The following GRID2 variants were observed in gnomAD, a reference collection of about 807,000 sequenced individuals.
The protein encoded by GRID2 is glutamate ionotropic receptor delta type subunit 2.
GRID2 carries 33 observed loss-of-function variants against 114.8 expected under a neutral mutation model. The ratio of observed to expected loss-of-function variants is 0.29; its 90% confidence interval spans 0.22 to 0.38. The LOEUF (loss-of-function observed/expected upper bound fraction) is 0.38, where lower values mean the gene tolerates loss of function less well. Among genes scored for constraint, GRID2 ranks in the 10% least tolerant of loss-of-function variants. The probability of loss-of-function intolerance (pLI) is 1.00; values close to 1 mark genes in which losing one functional copy is unlikely to be tolerated. For synonymous variants in GRID2, 505 were observed against 449.9 expected, an observed-to-expected ratio of 1.12 and a Z score of -1.55; for missense variants, 1,184 against 1,257.7, an observed-to-expected ratio of 0.94 and a Z score of 0.89.
chr4:93,608,791 T>C lies in GRID2; in HGVS notation c.2194-17478T>C, dbSNP rs544441187. Among the ~76,000 whole-genome samples, 38 of 137,012 alleles carry C rather than the reference T, an allele frequency of 2.8e-4. 6 individuals are homozygous for C. Among genetic ancestry groups the C allele is most frequent in the African/African-American group, 9.9e-4 (36 of 36,472 alleles). 89.9% of individuals were successfully genotyped at this position (137,012 alleles called of 152,430 possible). Reference sequence around the variant, plus strand: ...AAACATACGGGTGCATGTGTCTTTATAGCAGCATGATTTATAGTCATTTGG... The same window carrying C: ...AAACATACGGGTGCATGTGTCTTTACAGCAGCATGATTTATAGTCATTTGG... On this transcript the variant is annotated intron_variant, in intron 13 of 15. Transcript: ENST00000282020.
rs572617297 is a variant in GRID2 at position 92,940,779 on chromosome 4, G to T, written c.245-144216G>T. ...TTTATTGAGAGTTTTTAGCATGAAG[G>T]GTTGTTGAATTTTGTCAAAGGCCTT... On this transcript the variant is annotated intron_variant, in intron 2 of 15. Coordinates refer to ENST00000282020, the MANE Select transcript of GRID2 (RefSeq NM_001510.4). 6.6e-5 allele frequency among the ~76,000 whole-genome samples: 10 copies of T among 152,130 alleles called. No homozygotes were observed. The East Asian group carries it at 1.2e-3, about 18-fold the overall frequency.
rs373842855 is a variant in GRID2, at chr4:93,544,170, T to A, written c.2193+28759T>A. 2.0e-5 allele frequency among the ~76,000 whole-genome samples: 3 copies of A among 152,292 alleles called. No homozygotes were observed. In the East Asian group the frequency reaches 5.8e-4, roughly 29 times the overall value. On this transcript the variant is annotated intron_variant, in intron 13 of 15. Coordinates refer to ENST00000282020, the MANE Select transcript of GRID2 (RefSeq NM_001510.4). ...TTTGTAACCACTGGTAACAGAATATTTTTGTTTTCCTCATTAGTAAAATAA... is the reference window on the plus strand; with the variant it reads ...TTTGTAACCACTGGTAACAGAATATATTTGTTTTCCTCATTAGTAAAATAA...
chr4:93,777,874 A>G (rs189721808), downstream of GRID2, among the ~76,000 whole-genome samples: 1 of 152,224 alleles, frequency 6.6e-6, no homozygotes, highest in Non-Finnish European at 1.5e-5. Flanking sequence ...ATATTTTATT[A>G]TTAAATTGCT....
At chr4:93,110,677 G>A in intron 3 of GRID2, 71 bp from the exon 4 acceptor site, 1 of 977,424 alleles carries the variant, frequency 1.0e-6, no homozygotes, top group Non-Finnish European at 1.7e-6. Context: ...TTCTGATATA[G>A]GTGAAATAGC....
chr4:92,353,899 C>T (rs1484462280), intron 1 of GRID2, among the ~76,000 whole-genome samples: 1 of 152,044 alleles, frequency 6.6e-6, no homozygotes, highest in Non-Finnish European at 1.5e-5. Context: ...CTCAGATTTT[C>T]TGCCAAAGCC....
chr4:93,183,580 G>T (rs569635759), intron 4 of GRID2, among the ~76,000 whole-genome samples: 33 of 152,188 alleles, frequency 2.2e-4, no homozygotes, highest in Non-Finnish European at 4.1e-4. Flanking sequence ...TGCCCACAAG[G>T]TACTTAATTA....
intron 1 of GRID2, among the ~76,000 whole-genome samples, chr4:92,435,024 T>G (rs894749950): frequency 6.6e-6 from 1 of 152,220 alleles, no homozygotes; most frequent in Non-Finnish European, 1.5e-5. Flanking sequence ...TGCATATTTA[T>G]ATCCAAGATT....
intron 2 of GRID2, among the ~76,000 whole-genome samples, chr4:92,705,633 G>A (rs1164950667): frequency 6.6e-6 from 1 of 152,136 alleles, no homozygotes; most frequent in Non-Finnish European, 1.5e-5. Flanking sequence ...CCTACACTCT[G>A]GTTGCTCAGG....
At chr4:93,232,326 T>C (rs553513594) in intron 7 of GRID2, among the ~76,000 whole-genome samples, 1 of 152,232 alleles carries the variant, frequency 6.6e-6, no homozygotes, top group South Asian at 2.1e-4. Flanking sequence ...TAAAATGTAA[T>C]AGATGTTTAA....
At chr4:92,785,254 T>C (rs190548322) in intron 2 of GRID2, among the ~76,000 whole-genome samples, 7 of 151,666 alleles carry the variant, frequency 4.6e-5, no homozygotes, top group Admixed American at 3.9e-4. Flanking sequence ...GAAGTAGCAA[T>C]ATTAATTACC....
At chr4:93,607,929 C>G (rs1444014654) in intron 13 of GRID2, among the ~76,000 whole-genome samples, 1 of 151,776 alleles carries the variant, frequency 6.6e-6, no homozygotes, top group Non-Finnish European at 1.5e-5. Flanking sequence ...CTGTTTGTCC[C>G]CCATGTTCCA....
chr4:93,033,784 A>T (rs1724663883), intron 2 of GRID2, among the ~76,000 whole-genome samples: 1 of 152,044 alleles, frequency 6.6e-6, no homozygotes, highest in Non-Finnish European at 1.5e-5. Context: ...GTCTTGAAAG[A>T]TGCAGCTCTA....
chr4:92,510,842 A>G (rs2149131404), intron 1 of GRID2, among the ~76,000 whole-genome samples: 1 of 139,090 alleles, frequency 7.2e-6, no homozygotes, highest in South Asian at 2.5e-4. Context: ...AATATGTACA[A>G]TTACAATGTG....
intron 10 of GRID2, among the ~76,000 whole-genome samples, chr4:93,444,315 A>T (rs949576748): frequency 2.0e-5 from 3 of 152,110 alleles, no homozygotes; most frequent in Non-Finnish European, 4.4e-5. Context: ...GGAGATCAGC[A>T]TGTGAGTAGA....
intron 14 of GRID2, among the ~76,000 whole-genome samples, chr4:93,629,084 T>A (rs1743009153): frequency 6.6e-6 from 1 of 152,312 alleles, no homozygotes; most frequent in South Asian, 2.1e-4. Flanking sequence ...GGATTTTTTA[T>A]GTAAAAAATA....
chr4:93,561,901 T>C (rs1390043385), intron 13 of GRID2, among the ~76,000 whole-genome samples: 1 of 152,172 alleles, frequency 6.6e-6, no homozygotes. Flanking sequence ...TATCTGGATG[T>C]ACAACAGTTT....
At chr4:93,247,591 C>G (rs933160965) in intron 8 of GRID2, among the ~76,000 whole-genome samples, 5 of 152,032 alleles carry the variant, frequency 3.3e-5, no homozygotes, top group African/African-American at 9.7e-5. Context: ...ATCATTGGCT[C>G]TCTTGTTTCT....
intron 1 of GRID2, among the ~76,000 whole-genome samples, chr4:92,536,832 G>A (rs1251762087): frequency 7.9e-5 from 12 of 152,056 alleles, no homozygotes; most frequent in African/African-American, 2.7e-4. Flanking sequence ...GTTAAGATGC[G>A]GTTTTCAAAA....
At chr4:93,740,641 G>A (rs146793935) in intron 14 of GRID2, among the ~76,000 whole-genome samples, 106 of 152,276 alleles carry the variant, frequency 7.0e-4, no homozygotes, top group African/African-American at 2.4e-3. Context: ...TTACGTTCCT[G>A]TCAGTCAACT....
Sources: allele counts gnomAD v4.1 joint callset (sites outside exome capture counted in the v4.1 genomes callset), GRCh38; gene constraint gnomAD v4.1.1; transcripts MANE v1.5; gene names NCBI Gene and HGNC (gene_info 2026-07-23, HGNC 2026-07-21).